The following ZRANB1 variants were observed in gnomAD, a reference collection of about 807,000 sequenced individuals.
ZRANB1 encodes the protein ubiquitin thioesterase ZRANB1.
ZRANB1 carries 16 observed loss-of-function variants against 80.5 expected under a neutral mutation model. That is an observed-to-expected ratio of 0.20 (90% CI 0.13 to 0.30). The LOEUF is 0.30. Among genes scored for constraint, ZRANB1 ranks in the 10% least tolerant of loss-of-function variants. The probability of loss-of-function intolerance (pLI) is 1.00; values close to 1 mark genes in which losing one functional copy is unlikely to be tolerated. For synonymous variants in ZRANB1, 291 were observed against 293.1 expected, an observed-to-expected ratio of 0.99 and a Z score of 0.07; for missense variants, 576 against 862.6, an observed-to-expected ratio of 0.67 and a Z score of 4.16.
the ZRANB1 span, among the ~76,000 whole-genome samples, chr10:124,917,459 T>A: frequency 1.3e-5 from 2 of 151,778 alleles, no homozygotes; most frequent in Non-Finnish European, 2.9e-5. Context: ...GCGCTCCGGT[T>A]GCGGGGACGG....
intron 5 of ZRANB1, among the ~76,000 whole-genome samples, chr10:124,974,880 C>G (rs772344637): frequency 2.0e-5 from 3 of 152,176 alleles, no homozygotes; most frequent in Non-Finnish European, 2.9e-5. Context: ...CCACTGCATC[C>G]TCCACCTCCT....
chr10:124,961,146 C>T (rs942165768), intron 1 of ZRANB1, among the ~76,000 whole-genome samples: 4 of 151,982 alleles, frequency 2.6e-5, no homozygotes, highest in East Asian at 1.9e-4. Flanking sequence ...AGATGACAGG[C>T]GCACGCCCCC....
chr10:124,961,331 A>G (rs1263456974), intron 1 of ZRANB1, among the ~76,000 whole-genome samples: 5 of 152,130 alleles, frequency 3.3e-5, no homozygotes, highest in Non-Finnish European at 7.4e-5. Context: ...TAAGAACCGT[A>G]ATTTCCTTTC....
chr10:124,968,446 G>T (rs7098050), intron 2 of ZRANB1, among the ~76,000 whole-genome samples: 21,406 of 152,128 alleles, frequency 0.14, 1,517 homozygotes, highest in East Asian at 0.21. Flanking sequence ...TGAAGCCGGG[G>T]TGGGGGGCTT....
In ZRANB1 at chr10:124,983,753, C is replaced by T; in HGVS notation, c.1908+65C>T. 1 of 1,259,436 alleles carries T rather than the reference C, an allele frequency of 7.9e-7. No homozygotes were observed. The allele number at this position is 1,259,436 out of a possible 1,614,324, so 78.0% of individuals were successfully genotyped here. On this transcript the variant is annotated intron_variant, in intron 8 of 8. Transcript: ENST00000359653. This position sits in a 1 kb window ranked among gnomAD's most constrained non-coding sequence, Gnocchi z 6.2. The stretch of plus-strand genomic sequence containing the variant: ...TTGTACCAGAAACAGCCTGAAGTGC[C>T]TTTCAGGTGTGGTTTTATCTGCACT...
Position 124,983,721 on chromosome 10 carries a change from A to G in ZRANB1, c.1908+33A>G. On this transcript the variant is annotated intron_variant, in intron 8 of 8. Transcript: ENST00000359653. The surrounding 1 kb of genome is among the most constrained non-coding windows in gnomAD (Gnocchi z 6.2). ...GTTTCTCCTATGAACTATTTCTAGT[A>G]GTGACCTTGTACCAGAAACAGCCTG... 6.6e-7 allele frequency: 1 copy of G among 1,509,462 alleles called. No homozygotes were observed. The highest frequency in any genetic ancestry group is 2.5e-5 in the East Asian group (1 of 40,724). 93.5% of individuals were successfully genotyped at this position (1,509,462 alleles called of 1,614,324 possible). A position where few individuals can be genotyped will look rare whatever the true frequency, so the allele number is the denominator to read the frequency against.
At chr10:124,956,254 T>G (rs1264871951) in intron 1 of ZRANB1, among the ~76,000 whole-genome samples, 6 of 152,182 alleles carry the variant, frequency 3.9e-5, no homozygotes, top group African/African-American at 1.4e-4. Context: ...CCTTTAAATA[T>G]CAAGTATAAA....
chr10:124,979,726 C>A (rs958587525), intron 5 of ZRANB1, among the ~76,000 whole-genome samples: 1 of 151,986 alleles, frequency 6.6e-6, no homozygotes, highest in African/African-American at 2.4e-5. Context: ...CTAAATTCAC[C>A]TTTTTGCATG....
the ZRANB1 span, among the ~76,000 whole-genome samples, chr10:124,933,740 G>A: frequency 6.6e-6 from 1 of 152,282 alleles, no homozygotes; most frequent in African/African-American, 2.4e-5. Context: ...ATTGACCTGG[G>A]ATGTCTCAAA....
rs775965446 is a variant in ZRANB1 at position 124,973,673 on chromosome 10, A to C, written c.1185A>C (p.Gln395His). The C allele has an allele frequency of 6.2e-7, 1 of 1,613,000 alleles. No individual in the cohort carries two copies. Among genetic ancestry groups the C allele is most frequent in the Admixed American group, 1.7e-5 (1 of 59,750 alleles). The stretch of plus-strand genomic sequence containing the variant: ...TTGAAGATTTGCCCCCAACAGTCCA[A>C]GAAAAATTATTTGATGAGGTGCTTG... ...ADIEDLPPTV[Q>H]EKLFDEVLDR... The change falls in exon 4 of 9, where the codon CAA (glutamine) becomes CAC (histidine). Residue 395 changes from glutamine to histidine, a missense_variant. Gln to His is a conservative substitution (Grantham distance 24, BLOSUM62 0). Around this residue, in one of 3 missense-constraint regions of ZRANB1, gnomAD observed 411 missense variants for 583.1 expected, o/e 0.70. Coordinates refer to ENST00000359653, the MANE Select transcript of ZRANB1 (RefSeq NM_017580.3).
At chr10:124,984,472 C>A (rs1451129861) in intron 8 of ZRANB1, 5 of 307,710 alleles carry the variant, frequency 1.6e-5, no homozygotes, top group Non-Finnish European at 1.8e-5. Flanking sequence ...GTGTTTGAAG[C>A]TGTGGCTTGC....
chr10:124,978,422 C>G (rs78863523), intron 5 of ZRANB1, among the ~76,000 whole-genome samples: 12,409 of 152,256 alleles, frequency 0.082, 698 homozygotes, highest in Admixed American at 0.16. Context: ...AACCCCTCCA[C>G]CCGTCACTTC....
chr10:124,954,775 T>C (rs1266666628), intron 1 of ZRANB1, among the ~76,000 whole-genome samples: 2 of 151,516 alleles, frequency 1.3e-5, no homozygotes, highest in Admixed American at 6.6e-5. Context: ...TTGTTTTACA[T>C]ATGAATGGAG....
chr10:124,984,057 G>A (rs1363553532), intron 8 of ZRANB1, among the ~76,000 whole-genome samples: 1 of 152,164 alleles, frequency 6.6e-6, no homozygotes, highest in East Asian at 1.9e-4. Flanking sequence ...GCGGCAGGGG[G>A]AGGGAGGAAG....
At chr10:124,952,731 C>G (rs181703951) in intron 1 of ZRANB1, among the ~76,000 whole-genome samples, 19 of 152,144 alleles carry the variant, frequency 1.2e-4, no homozygotes, top group African/African-American at 3.1e-4. Context: ...CTGCCTCAAC[C>G]TCTCAAGTAG....
At chr10:124,968,353 G>C (rs539924267) in intron 2 of ZRANB1, among the ~76,000 whole-genome samples, 2 of 152,318 alleles carry the variant, frequency 1.3e-5, no homozygotes, top group South Asian at 4.1e-4. Flanking sequence ...GCAGGGCACT[G>C]TATGGGGATT....
chr10:124,971,676 C>G (rs1467064175), intron 2 of ZRANB1, among the ~76,000 whole-genome samples: 1 of 152,184 alleles, frequency 6.6e-6, no homozygotes, highest in Non-Finnish European at 1.5e-5. Context: ...TGTGATGTGT[C>G]TATGAACAAC....
chr10:124,953,458 A>G (rs942038181), intron 1 of ZRANB1, among the ~76,000 whole-genome samples: 2 of 152,170 alleles, frequency 1.3e-5, no homozygotes, highest in South Asian at 2.1e-4. Context: ...GCCTGGGAAT[A>G]TTAATGTTTT....
intron 4 of ZRANB1, 99 bp from the exon 5 acceptor site, chr10:124,974,101 A>G: frequency 8.1e-7 from 1 of 1,239,140 alleles, no homozygotes; most frequent in African/African-American, 1.5e-5. Context: ...TAAATTACAT[A>G]TAAACCATTT....
Sources: allele counts gnomAD v4.1 joint callset (sites outside exome capture counted in the v4.1 genomes callset), GRCh38; gene constraint gnomAD v4.1.1; regional missense constraint gnomAD v4.1.1; non-coding constraint Gnocchi (gnomAD v3.1); transcripts MANE v1.5; gene names NCBI Gene and HGNC (gene_info 2026-07-23, HGNC 2026-07-21).